Variants in HERC1 observed in about 807,000 individuals in gnomAD.
The protein encoded by HERC1 is HECT and RLD domain containing E3 ubiquitin protein ligase family member 1, also known as probable E3 ubiquitin-protein ligase HERC1.
Under a neutral mutation model 554.3 loss-of-function variants are expected in HERC1, and 160 were observed. The ratio of observed to expected loss-of-function variants is 0.29; its 90% CI spans 0.25 to 0.33. The LOEUF (loss-of-function observed/expected upper bound fraction) is 0.33, where lower values mean the gene tolerates loss of function less well. Among genes scored for constraint, HERC1 ranks in the 10% least tolerant of loss-of-function variants. The pLI is 1.00. For missense variants in HERC1, 4,919 were observed against 5,918.5 expected (o/e 0.83, Z 5.54); for synonymous variants, 2,175 against 2,131.7 (o/e 1.02, Z -0.56).
intron 3 of HERC1, among the ~76,000 whole-genome samples, chr15:63,761,216 C>T (rs1596181570): frequency 6.6e-6 from 1 of 152,118 alleles, no homozygotes; most frequent in African/African-American, 2.4e-5. Flanking sequence ...AGAATAGACA[C>T]TGACACAGAG....
chr15:63,794,944 T>C (rs540364624), intron 1 of HERC1, among the ~76,000 whole-genome samples: 1 of 151,790 alleles, frequency 6.6e-6, no homozygotes, highest in South Asian at 2.1e-4. Context: ...TGTGTACCTG[T>C]AGTCCCAGCT....
Position 63,636,068 on chromosome 15 carries a change from C to T in HERC1, c.12307G>A (p.Val4103Ile). Residue 4103 changes from valine (V) to isoleucine (I), a missense_variant, in exon 65 of 78, where the codon GTC becomes ATC. Physicochemically the swap from Val to Ile is conservative, Grantham distance 29 (BLOSUM62 3). This residue lies in a region of HERC1 where 122 missense variants were observed against 195.2 expected (regional missense o/e 0.63). Transcript: ENST00000443617. ...TAGTCACCATCTCCCCAGCTAAAGACCTCACCACTTTCAGTTAGGGCCATA... is the reference window on the plus strand; with the variant it reads ...TAGTCACCATCTCCCCAGCTAAAGATCTCACCACTTTCAGTTAGGGCCATA... The part of the protein sequence containing the change: ...HSMALTESGE[V>I]FSWGDGDYGK... 1 of 1,613,804 alleles carries T rather than the reference C, an allele frequency of 6.2e-7. No individual in the cohort carries two copies. The highest frequency in any genetic ancestry group is 1.3e-5 in the African/African-American group (1 of 74,966).
At chr15:63,685,465 T>C (rs147083603) in intron 34 of HERC1, among the ~76,000 whole-genome samples, 1 of 152,390 alleles carries the variant, frequency 6.6e-6, no homozygotes, top group Non-Finnish European at 1.5e-5. Context: ...CTTATCATAA[T>C]ACCTCAGTCC....
In HERC1 at chr15:63,677,038, A is replaced by G. The variant is rs555444018; in HGVS notation, c.7070+807T>C. Among the ~76,000 whole-genome samples the G allele has an allele frequency of 1.3e-5, 2 of 152,290 alleles. No individual in the cohort carries two copies. The highest frequency in any genetic ancestry group is 4.8e-5 in the African/African-American group (2 of 41,576). Reference sequence around the variant, plus strand: ...TTTTCCCAAATTTTGGAATATTTACATTGTACTTAGCAGGTGAGCATCCCA... The same window carrying G: ...TTTTCCCAAATTTTGGAATATTTACGTTGTACTTAGCAGGTGAGCATCCCA... On this transcript the variant is annotated intron_variant, in intron 37 of 77. Transcript: ENST00000443617. This position sits in a 1 kb window ranked among gnomAD's most constrained non-coding sequence, Gnocchi z 4.4.
intron 1 of HERC1, among the ~76,000 whole-genome samples, chr15:63,810,728 A>G (rs536162093): frequency 1.3e-5 from 2 of 152,274 alleles, no homozygotes; most frequent in South Asian, 2.1e-4. Context: ...ATCTCAAAAT[A>G]CCACCACCTA....
intron 25 of HERC1, among the ~76,000 whole-genome samples, chr15:63,700,730 AGC>A (rs2072672932): frequency 8.2e-5 from 12 of 146,402 alleles, no homozygotes; most frequent in South Asian, 2.1e-4. Context: ...AAAAAAAAAA[AGC>A]TTAATTTTCA....
At chr15:63,725,600 T>G in intron 17 of HERC1, 87 bp from the exon 18 acceptor site, 1 of 940,618 alleles carries the variant, frequency 1.1e-6, no homozygotes, top group Non-Finnish European at 1.7e-6. Flanking sequence ...CGTACTGCAA[T>G]AAGATACTGA....
At position 63,798,417 on chromosome 15, in the gene HERC1, C is replaced by G. The variant is rs186021274; in HGVS notation, c.-26-22768G>C. Among the ~76,000 whole-genome samples, 5 of 152,242 alleles carry G rather than the reference C, an allele frequency of 3.3e-5. No homozygotes were observed. In the East Asian group the frequency reaches 5.8e-4, roughly 18 times the overall value. ...ATTTTCTTCTACCCTCTCCCACCTA[C>G]GTAACAGACACTTAAGAAAATCTTA... On this transcript the variant is annotated intron_variant, in intron 1 of 77. Transcript: ENST00000443617.
rs2070377397 is a variant in HERC1 at position 63,661,888 on chromosome 15, C to T, written c.9035G>A (p.Arg3012His). The change falls in exon 45 of 78, where the codon CGC (arginine) becomes CAC (histidine). Residue 3012 changes from arginine (R) to histidine (H), a missense_variant. This residue lies in a region of HERC1 where 1,963 missense variants were observed against 2,228.6 expected (regional missense o/e 0.88). Transcript: ENST00000443617. Reference protein sequence around the residue: ...CGRSANRQGYRSNGSYVDGWF... With the variant: ...CGRSANRQGYHSNGSYVDGWF... ...GCCATCCACATAGGAACCATTGCTG[C>T]GATAGCCCTGGCGGTTTGCACTGCG... 1.2e-6 allele frequency: 2 copies of T among 1,614,010 alleles called. No homozygotes were observed. The highest frequency in any genetic ancestry group is 1.1e-5 in the South Asian group (1 of 91,074).
At chr15:63,666,565 C>T in intron 40 of HERC1, 93 bp from the exon 41 acceptor site, 1 of 749,164 alleles carries the variant, frequency 1.3e-6, no homozygotes, top group East Asian at 2.5e-5. Context: ...TAGTATTGTC[C>T]AAGTTTAATG....
chr15:63,684,469 T>C (rs2071638288), intron 34 of HERC1, among the ~76,000 whole-genome samples: 1 of 152,218 alleles, frequency 6.6e-6, no homozygotes, highest in South Asian at 2.1e-4. Flanking sequence ...TATGCAAATG[T>C]TTTTGTGTGA....
intron 12 of HERC1, among the ~76,000 whole-genome samples, chr15:63,741,716 C>T (rs979144359): frequency 6.6e-6 from 1 of 152,184 alleles, no homozygotes; most frequent in Non-Finnish European, 1.5e-5. Flanking sequence ...TGTGGGTATA[C>T]AGTTGTCCAA....
chr15:63,744,164 G>GTCTCTCTCTCTCTCTCTCTC (rs71464534), intron 12 of HERC1, among the ~76,000 whole-genome samples: 26 of 46,282 alleles, frequency 5.6e-4, no homozygotes, highest in South Asian at 1.3e-3. Context: ...GTGTGTGTGT[G>GTCTCTCTCTCTCTCTCTCTC]TCTCTCTCTC....
chr15:63,803,846 A>T (rs542546019), intron 1 of HERC1, among the ~76,000 whole-genome samples: 1 of 152,328 alleles, frequency 6.6e-6, no homozygotes, highest in African/African-American at 2.4e-5. Flanking sequence ...AAAGATGTAC[A>T]TTATCTGACT....
chr15:63,772,541 A>G (rs912524446), intron 2 of HERC1, among the ~76,000 whole-genome samples: 1 of 151,434 alleles, frequency 6.6e-6, no homozygotes, highest in East Asian at 1.9e-4. Flanking sequence ...TTTTAGGTCA[A>G]TAAATCACTT....
chr15:63,831,753 TAACCC>T (rs2078164799), intron 1 of HERC1, among the ~76,000 whole-genome samples: 1 of 152,172 alleles, frequency 6.6e-6, no homozygotes, highest in South Asian at 2.1e-4. Context: ...CACCCTCTAC[TAACCC>T]AATCCAGTCC....
In HERC1 at chr15:63,758,990, A is replaced by G. The variant is rs1045881634; in HGVS notation, c.1027-621T>C. 6.6e-6 allele frequency among the ~76,000 whole-genome samples: 1 copy of G among 152,102 alleles called. No individual in the cohort carries two copies. Among genetic ancestry groups the G allele is most frequent in the Admixed American group, 6.6e-5 (1 of 15,262 alleles). On this transcript the variant is annotated intron_variant, in intron 3 of 77. Coordinates refer to ENST00000443617, the MANE Select transcript of HERC1 (RefSeq NM_003922.4). The surrounding 1 kb of genome is among the most constrained non-coding windows in gnomAD (Gnocchi z 4.0). ...GCAATCCTCCCACCTCAGCCCCCCA[A>G]GTAGCTGAGATTACAGGCATGCAAG...
chr15:63,815,365 C>T (rs530230868), intron 1 of HERC1, among the ~76,000 whole-genome samples: 2 of 152,344 alleles, frequency 1.3e-5, no homozygotes, highest in African/African-American at 2.4e-5. Context: ...ATGTCACTAA[C>T]TCTGCAATGT....
chr15:63,622,548 G>T (rs1055556434), intron 74 of HERC1, among the ~76,000 whole-genome samples: 2 of 151,840 alleles, frequency 1.3e-5, no homozygotes, highest in Non-Finnish European at 2.9e-5. Flanking sequence ...GGCCAGGCTG[G>T]TCTTAAACTC....
Sources: gnomAD v4.1 joint callset for allele counts (sites outside exome capture counted in the v4.1 genomes callset) on GRCh38, gnomAD v4.1.1 for gene constraint, gnomAD v4.1.1 regional missense constraint, Gnocchi (gnomAD v3.1) non-coding constraint, MANE v1.5 for transcripts, NCBI Gene and HGNC (gene_info 2026-07-23, HGNC 2026-07-21) for gene names.